ANO10: variants seen among roughly 807,000 people sequenced by gnomAD.
ANO10 encodes the protein anoctamin-10.
Under a neutral mutation model 74.7 loss-of-function variants are expected in ANO10, and 77 were observed. That is an observed-to-expected ratio of 1.03 (90% CI 0.86 to 1.25). The LOEUF (loss-of-function observed/expected upper bound fraction) is 1.25. Among genes scored for constraint, ANO10 ranks in the 50% most tolerant of loss-of-function variants. The probability of loss-of-function intolerance (pLI) is 0.00; values close to 1 mark genes in which losing one functional copy is unlikely to be tolerated. For synonymous variants in ANO10, 279 were observed against 284.9 expected (o/e 0.98, Z 0.21); for missense variants, 721 against 778.1 (o/e 0.93, Z 0.87).
intron 12 of ANO10, among the ~76,000 whole-genome samples, chr3:43,374,897 CAT>C (rs1228746423): frequency 1.3e-5 from 2 of 151,260 alleles, no homozygotes; most frequent in Non-Finnish European, 3.0e-5. Flanking sequence ...GAGGTGGACA[CAT>C]GACTTGAAGT....
upstream of ANO10, among the ~76,000 whole-genome samples, chr3:43,622,440 T>C (rs1347354713): frequency 1.3e-5 from 2 of 152,178 alleles, no homozygotes; most frequent in Non-Finnish European, 2.9e-5. Flanking sequence ...ATACGCCCCT[T>C]CACATTTCCC....
chr3:43,580,162 T>A (rs950846756), intron 5 of ANO10, among the ~76,000 whole-genome samples, 191 bp downstream of exon 5: 3 of 147,556 alleles, frequency 2.0e-5, no homozygotes, highest in Admixed American at 6.8e-5. Flanking sequence ...AAAAAAAAAG[T>A]TTAAAAAAAG....
intron 12 of ANO10, among the ~76,000 whole-genome samples, chr3:43,375,980 G>A (rs959136708): frequency 6.6e-6 from 1 of 152,166 alleles, no homozygotes; most frequent in African/African-American, 2.4e-5. Context: ...CCCATTAAAA[G>A]GTGTGACCTG....
intron 1 of ANO10, among the ~76,000 whole-genome samples, chr3:43,689,903 T>C (rs901240546): frequency 6.6e-6 from 1 of 152,188 alleles, no homozygotes; most frequent in African/African-American, 2.4e-5. Flanking sequence ...GAGCCCATAG[T>C]AGACACACAC....
intron 1 of ANO10, chr3:43,691,229 G>C (rs1419713089): frequency 2.7e-5 from 13 of 478,356 alleles, no homozygotes; most frequent in Non-Finnish European, 4.4e-5. Flanking sequence ...CCTGGGAGAG[G>C]CTCCCCTCAG....
At chr3:43,466,451 C>T (rs2075631311) in intron 11 of ANO10, among the ~76,000 whole-genome samples, 1 of 149,392 alleles carries the variant, frequency 6.7e-6, no homozygotes, top group African/African-American at 2.5e-5. Flanking sequence ...ATAATAGAGT[C>T]CTGAAATTGA....
At chr3:43,388,905 T>A (rs186708770) in intron 12 of ANO10, among the ~76,000 whole-genome samples, 1 of 152,236 alleles carries the variant, frequency 6.6e-6, no homozygotes, top group Non-Finnish European at 1.5e-5. Flanking sequence ...TGCTTCTAAG[T>A]CTAAAGTTGC....
At chr3:43,641,063 T>C (rs2083665881) in intron 1 of ANO10, among the ~76,000 whole-genome samples, 1 of 152,222 alleles carries the variant, frequency 6.6e-6, no homozygotes, top group Non-Finnish European at 1.5e-5. Context: ...CTTTTCCTTC[T>C]AGATAGAAAA....
In ANO10 at chr3:43,683,739, C is replaced by T. The variant is rs574905960; in HGVS notation, c.-12+7778G>A. 9.9e-5 allele frequency among the ~76,000 whole-genome samples: 15 copies of T among 152,132 alleles called. No homozygotes were observed. In the South Asian group the frequency reaches 2.3e-3, roughly 23 times the overall value. ...ACTGGTACCAAAACAGAGATATAGA[C>T]CAATGGAACAGAACAGAGCCCTCAG... is the stretch of plus-strand genomic sequence containing the variant. On this transcript the variant is annotated intron_variant, in intron 1 of 3. Coordinates refer to the ANO10 transcript ENST00000413397.
intron 12 of ANO10, among the ~76,000 whole-genome samples, chr3:43,377,285 C>T (rs1281683198): frequency 6.6e-6 from 1 of 152,080 alleles, no homozygotes; most frequent in African/African-American, 2.4e-5. Flanking sequence ...TGGGGTTTCA[C>T]CATGTTGCCC....
intron 7 of ANO10, among the ~76,000 whole-genome samples, chr3:43,571,050 A>G (rs2080681528): frequency 1.3e-5 from 2 of 151,838 alleles, no homozygotes; most frequent in South Asian, 4.1e-4. Flanking sequence ...TTCTCAAAAG[A>G]AGACATTTAC....
chr3:43,438,881 G>T (rs2093117054), intron 11 of ANO10, among the ~76,000 whole-genome samples: 1 of 152,086 alleles, frequency 6.6e-6, no homozygotes, highest in African/African-American at 2.4e-5. Flanking sequence ...GAAGAAAAGT[G>T]AAGAAAGCTT....
intron 4 of ANO10, among the ~76,000 whole-genome samples, chr3:43,592,169 G>C (rs552152670): frequency 6.6e-6 from 1 of 152,326 alleles, no homozygotes; most frequent in East Asian, 1.9e-4. Flanking sequence ...CCACCTCTGG[G>C]GGCAGGGCAT....
intron 1 of ANO10, among the ~76,000 whole-genome samples, chr3:43,628,273 C>T (rs918088146): frequency 1.1e-4 from 16 of 152,118 alleles, no homozygotes; most frequent in African/African-American, 3.9e-4. Flanking sequence ...CAAATTAATA[C>T]TTTTATAATT....
intron 11 of ANO10, among the ~76,000 whole-genome samples, chr3:43,447,259 T>C (rs2093260671): frequency 6.6e-6 from 1 of 152,198 alleles, no homozygotes. Flanking sequence ...TATACACAGT[T>C]GTAATATAAG....
chr3:43,666,290 G>T (rs1553611943), intron 1 of ANO10, among the ~76,000 whole-genome samples: 1 of 152,000 alleles, frequency 6.6e-6, no homozygotes, highest in Non-Finnish European at 1.5e-5. Flanking sequence ...TCAAACAACT[G>T]GAAAAGAAGA....
At chr3:43,651,906 A>T (rs2083791909) in intron 1 of ANO10, among the ~76,000 whole-genome samples, 2 of 152,168 alleles carry the variant, frequency 1.3e-5, no homozygotes, top group African/African-American at 4.8e-5. Context: ...CCATTTCCCC[A>T]TCTTCTTCTG....
At position 43,522,765 on chromosome 3, in the gene ANO10, G is replaced by A. The variant is rs2078014302; in HGVS notation, c.1797+26955C>T. Among the ~76,000 whole-genome samples the A allele has an allele frequency of 2.0e-5, 3 of 152,300 alleles. No individual in the cohort carries two copies. The South Asian group carries it at 6.2e-4, about 32-fold the overall frequency. ...GAGCAGTCATACAGTGAGGAGCAAT[G>A]TCCAAAGTCATATCTAGAGCTGGTT... On this transcript the variant is annotated intron_variant, in intron 11 of 12. Coordinates refer to ENST00000292246, the MANE Select transcript of ANO10 (RefSeq NM_018075.5).
chr3:43,618,557 T>C (rs2149538144), intron 1 of ANO10, among the ~76,000 whole-genome samples: 1 of 152,256 alleles, frequency 6.6e-6, no homozygotes, highest in South Asian at 2.1e-4. Context: ...ACACAGACCT[T>C]TAAAACTGGG....
Sources: allele counts gnomAD v4.1 joint callset (sites outside exome capture counted in the v4.1 genomes callset), GRCh38; gene constraint gnomAD v4.1.1; transcripts MANE v1.5; gene names NCBI Gene and HGNC (gene_info 2026-07-23, HGNC 2026-07-21).